CLEC9A: variants seen among roughly 807,000 people sequenced by gnomAD.
CLEC9A encodes C-type lectin domain containing 9A.
CLEC9A carries 24 observed loss-of-function variants against 30.0 expected under a neutral mutation model. That is an observed-to-expected ratio of 0.80 (90% CI 0.58 to 1.13). The LOEUF (loss-of-function observed/expected upper bound fraction) is 1.13. Among genes scored for constraint, CLEC9A ranks in the 50% most tolerant of loss-of-function variants. The probability of loss-of-function intolerance (pLI) is 0.00; values close to 1 mark genes in which losing one functional copy is unlikely to be tolerated. For synonymous variants in CLEC9A, 111 were observed against 96.8 expected (o/e 1.15, Z -0.86); for missense variants, 251 against 280.9 (o/e 0.89, Z 0.76).
chr12:10,044,280 G>A (rs1373663792), intron 2 of CLEC9A, among the ~76,000 whole-genome samples: 3 of 152,080 alleles, frequency 2.0e-5, no homozygotes, highest in African/African-American at 4.8e-5. Flanking sequence ...TATCAAAACT[G>A]CAGTCTCTCT....
intron 5 of CLEC9A, among the ~76,000 whole-genome samples, chr12:10,057,373 G>T (rs1338382843): frequency 6.6e-6 from 1 of 151,744 alleles, no homozygotes; most frequent in African/African-American, 2.4e-5. Flanking sequence ...CCATGTGTCT[G>T]ACAAAAAGTA....
At position 10,063,141 on chromosome 12, in the gene CLEC9A, A is replaced by G; in HGVS notation, c.406A>G (p.Thr136Ala). 1 of 1,612,376 alleles carries G rather than the reference A, an allele frequency of 6.2e-7. No homozygotes were observed. Among genetic ancestry groups the G allele is most frequent in the Non-Finnish European group, 8.5e-7 (1 of 1,179,370 alleles). ...CTCTGAAATTTGGAGCATTTGGCAC[A>G]CCAGTCAAGAGAATTGTTTAAAGGA... ...YVSEIWSIWH[T>A]SQENCLKEGS... Residue 136 changes from threonine to alanine, a missense_variant, in exon 7 of 9, where the codon ACC (threonine) becomes GCC (alanine). Thr to Ala is a moderately conservative substitution (Grantham distance 58, BLOSUM62 0). Transcript: ENST00000355819.
chr12:10,047,966 C>T (rs1311792150), intron 2 of CLEC9A, among the ~76,000 whole-genome samples: 3 of 151,934 alleles, frequency 2.0e-5, no homozygotes, highest in Non-Finnish European at 4.4e-5. Context: ...GGCGCGGTGG[C>T]TCACGCCCTG....
chr12:10,031,523 T>A (rs1006480729), intron 1 of CLEC9A, among the ~76,000 whole-genome samples: 1 of 152,230 alleles, frequency 6.6e-6, no homozygotes, highest in African/African-American at 2.4e-5. Context: ...CATTGTCTGG[T>A]GCTACTGATT....
chr12:10,050,652 G>C (rs1180964221), intron 2 of CLEC9A, among the ~76,000 whole-genome samples: 2 of 152,180 alleles, frequency 1.3e-5, no homozygotes, highest in Non-Finnish European at 2.9e-5. Context: ...ATCAGGGAAT[G>C]TTCTATATTT....
intron 2 of CLEC9A, among the ~76,000 whole-genome samples, chr12:10,042,215 AG>A (rs1865803570): frequency 6.6e-6 from 1 of 152,222 alleles, no homozygotes; most frequent in South Asian, 2.1e-4. Flanking sequence ...CAGGTTCTGT[AG>A]GGAAGTATAT....
intron 2 of CLEC9A, among the ~76,000 whole-genome samples, chr12:10,048,534 C>T (rs1426955437): frequency 6.6e-6 from 1 of 152,180 alleles, no homozygotes; most frequent in Non-Finnish European, 1.5e-5. Flanking sequence ...GCTTTAAAAA[C>T]TAAGTTTATG....
Position 10,062,929 on chromosome 12 carries a change from A to C in CLEC9A, c.320-126A>C, listed in dbSNP as rs151042605. 5.9e-4 allele frequency: 405 copies of C among 684,172 alleles called. 4 individuals are homozygous for C. The East Asian group carries it at 0.011, about 19-fold the overall frequency. The allele number at this position is 684,172 out of a possible 1,614,324, so 42.4% of individuals were successfully genotyped here. A position where few individuals can be genotyped will look rare whatever the true frequency, so the allele number is the denominator to read the frequency against. ...AGAGAAGCTGAAATTGGTAAGTGCT[A>C]CATCATGTGGACCATTACGTTATGA... On this transcript the variant is annotated intron_variant, in intron 6 of 8. Coordinates refer to ENST00000355819, the MANE Select transcript of CLEC9A (RefSeq NM_207345.4).
At chr12:10,035,306 C>A (rs189034773) in intron 1 of CLEC9A, among the ~76,000 whole-genome samples, 20 of 152,290 alleles carry the variant, frequency 1.3e-4, no homozygotes, top group African/African-American at 4.8e-4. Flanking sequence ...GGCAGGAGTG[C>A]CTGTCCTCAT....
chr12:10,031,309 G>A (rs1441229710), intron 1 of CLEC9A, among the ~76,000 whole-genome samples: 1 of 152,172 alleles, frequency 6.6e-6, no homozygotes, highest in Non-Finnish European at 1.5e-5. Flanking sequence ...TGTAAATCAG[G>A]TAGCTTCCTT....
chr12:10,037,674 C>G (rs1477078441), intron 1 of CLEC9A, among the ~76,000 whole-genome samples: 1 of 152,170 alleles, frequency 6.6e-6, no homozygotes, highest in African/African-American at 2.4e-5. Flanking sequence ...CACAGTGGCC[C>G]CAGCTGGGAA....
chr12:10,056,302 C>G (rs1190577924), intron 5 of CLEC9A, among the ~76,000 whole-genome samples: 2 of 151,966 alleles, frequency 1.3e-5, no homozygotes, highest in Admixed American at 6.6e-5. Flanking sequence ...GGAAAAGCCT[C>G]AAATACCCAC....
intron 2 of CLEC9A, among the ~76,000 whole-genome samples, chr12:10,045,250 A>G: frequency 6.6e-6 from 1 of 152,124 alleles, no homozygotes; most frequent in Non-Finnish European, 1.5e-5. Flanking sequence ...CTCCTATTGT[A>G]CTAGTGTTCC....
chr12:10,050,141 T>C (rs1267896084), intron 2 of CLEC9A, among the ~76,000 whole-genome samples: 1 of 152,200 alleles, frequency 6.6e-6, no homozygotes, highest in Non-Finnish European at 1.5e-5. Flanking sequence ...ACATACACAG[T>C]ATTTATTGAT....
intron 2 of CLEC9A, among the ~76,000 whole-genome samples, chr12:10,048,337 A>G (rs1197102186): frequency 2.0e-5 from 3 of 149,596 alleles, no homozygotes; most frequent in African/African-American, 7.4e-5. Flanking sequence ...GCGACACTAC[A>G]GTCCAGCCTG....
chr12:10,032,377 C>G (rs982719099), intron 1 of CLEC9A, among the ~76,000 whole-genome samples: 1 of 147,126 alleles, frequency 6.8e-6, no homozygotes, highest in Non-Finnish European at 1.5e-5. Context: ...CCACCTACCT[C>G]CTTAGGGATT....
At chr12:10,044,363 A>C (rs1047898191) in intron 2 of CLEC9A, among the ~76,000 whole-genome samples, 1 of 152,202 alleles carries the variant, frequency 6.6e-6, no homozygotes, top group East Asian at 1.9e-4. Context: ...TTATTTAATA[A>C]ATATTTAGGA....
intron 2 of CLEC9A, among the ~76,000 whole-genome samples, chr12:10,050,451 T>C (rs1865883368): frequency 6.6e-6 from 1 of 152,250 alleles, no homozygotes; most frequent in Non-Finnish European, 1.5e-5. Flanking sequence ...GCCTGTACTC[T>C]ATACTAATGA....
intron 2 of CLEC9A, among the ~76,000 whole-genome samples, chr12:10,047,934 A>C (rs544381286): frequency 2.0e-5 from 3 of 152,002 alleles, no homozygotes; most frequent in Non-Finnish European, 4.4e-5. Flanking sequence ...GGCTATTTTT[A>C]AAATAAGACA....
Sources: gnomAD v4.1 joint callset for allele counts (sites outside exome capture counted in the v4.1 genomes callset) on GRCh38, gnomAD v4.1.1 for gene constraint, MANE v1.5 for transcripts, NCBI Gene and HGNC (gene_info 2026-07-23, HGNC 2026-07-21) for gene names.